Variants in BOD1L1 observed in about 807,000 individuals in gnomAD.
The protein encoded by BOD1L1 is biorientation of chromosomes in cell division protein 1-like 1.
Under a neutral mutation model 240.7 loss-of-function variants are expected in BOD1L1, and 86 were observed. The ratio of observed to expected loss-of-function variants is 0.36; its 90% confidence interval spans 0.30 to 0.43. The LOEUF is 0.43. Ranked by LOEUF, BOD1L1 falls within the 20% of genes least tolerant of loss-of-function variation. The pLI is 1.00. For missense variants in BOD1L1, 3,554 were observed against 3,643.5 expected, an observed-to-expected ratio of 0.98 and a Z score of 0.63; for synonymous variants, 1,268 against 1,272.3, an observed-to-expected ratio of 1.00 and a Z score of 0.07.
chr4:13,585,871 C>T lies in BOD1L1; in HGVS notation c.8433+525G>A, dbSNP rs559931684. Among the ~76,000 whole-genome samples the T allele has an allele frequency of 1.6e-4, 25 of 152,272 alleles. 1 individual carries two copies. In the East Asian group the frequency reaches 1.9e-3, roughly 12 times the overall value. On this transcript the variant is annotated intron_variant, in intron 17 of 25. Transcript: ENST00000040738. ...GTTGTCATGTTAAGACGTGACTTTG[C>T]TCCTCCTTTGCCTTCTACCATGATT... is the stretch of plus-strand genomic sequence containing the variant.
chr4:13,607,245 A>C, intron 8 of BOD1L1, 56 bp from the exon 9 acceptor site: 1 of 1,029,036 alleles, frequency 9.7e-7, no homozygotes, highest in Non-Finnish European at 1.3e-6. Context: ...ATTTTTCAGG[A>C]AGGTTGAAAA....
At position 13,601,044 on chromosome 4, in the gene BOD1L1, C is replaced by T; in HGVS notation, c.5856G>A (p.Gly1952=). The T allele has an allele frequency of 6.2e-7, 1 of 1,613,970 alleles. No individual in the cohort carries two copies. The highest frequency in any genetic ancestry group is 8.5e-7 in the Non-Finnish European group (1 of 1,179,896). Residue 1952 remains glycine (G), a synonymous_variant, in exon 10 of 26, where the codon GGG becomes GGA. Transcript: ENST00000040738. The part of the protein sequence containing the change: ...KDTDICSSAK[G]IVESSVTSAV... ...CACTGGTCACACTGCTTTCTACAAT[C>T]CCTTTTGCACTGGAGCAGATATCTG...
chr4:13,572,824 T>C (rs757166767), intron 25 of BOD1L1: 28 of 1,289,660 alleles, frequency 2.2e-5, no homozygotes, highest in Non-Finnish European at 1.2e-5. Flanking sequence ...CACGTGCAGA[T>C]GGCTTGCTAT....
intron 12 of BOD1L1, chr4:13,592,623 C>A (rs1714303677): frequency 6.6e-6 from 1 of 152,186 alleles, no homozygotes; most frequent in Admixed American, 6.5e-5. Context: ...AACACCCATG[C>A]ACATTTTAAT....
chr4:13,596,063 C>CTTTTTTTTTTTTTTTTTTG (rs1714600605), intron 11 of BOD1L1, 119 bp from the exon 12 acceptor site: 1 of 764,726 alleles, frequency 1.3e-6, no homozygotes, highest in African/African-American at 1.8e-5. Flanking sequence ...AGCCTATTTT[C>CTTTTTTTTTTTTTTTTTTG]AAGAGTACAC....
At chr4:13,570,150 C>A in intron 25 of BOD1L1, 22 bp from the exon 26 acceptor site, 1 of 1,500,506 alleles carries the variant, frequency 6.7e-7, no homozygotes, top group South Asian at 1.3e-5. Context: ...AAAGTCAAGG[C>A]AATGGTGAGG....
At chr4:13,596,874 A>G (rs1037787201) in intron 11 of BOD1L1, among the ~76,000 whole-genome samples, 1 of 152,208 alleles carries the variant, frequency 6.6e-6, no homozygotes, top group African/African-American at 2.4e-5. Context: ...GGAGAAACTG[A>G]GGGTGACTCT....
At chr4:13,597,377 G>A (rs1020476565) in intron 10 of BOD1L1, among the ~76,000 whole-genome samples, 2 of 152,180 alleles carry the variant, frequency 1.3e-5, no homozygotes, top group African/African-American at 4.8e-5. Context: ...TTTTGGGTGA[G>A]TGAAATTCTT....
At position 13,600,593 on chromosome 4, in the gene BOD1L1, C is replaced by T. The variant is rs775633082; in HGVS notation, c.6307G>A (p.Glu2103Lys). ...GGLSDALRTEENMEGTRVTTE... is the reference protein window; with the variant it reads ...GGLSDALRTEKNMEGTRVTTE... The stretch of plus-strand genomic sequence containing the variant: ...GTTACTCTGGTACCTTCCATATTTT[C>T]TTCAGTTCTCAGAGCATCTGAGAGA... Residue 2103 changes from glutamate (E) to lysine (K), a missense_variant, in exon 10 of 26, where the codon GAA becomes AAA. This residue lies in a region of BOD1L1 where 3,393 missense variants were observed against 3,427.1 expected (regional missense o/e 0.99). Coordinates refer to ENST00000040738, the MANE Select transcript of BOD1L1 (RefSeq NM_148894.3). 6.2e-7 allele frequency: 1 copy of T among 1,613,760 alleles called. No homozygotes were observed. Among genetic ancestry groups the T allele is most frequent in the Admixed American group, 1.7e-5 (1 of 60,014 alleles).
At chr4:13,579,050 T>C (rs1331757669) in intron 22 of BOD1L1, among the ~76,000 whole-genome samples, 1 of 152,194 alleles carries the variant, frequency 6.6e-6, no homozygotes, top group Non-Finnish European at 1.5e-5. Flanking sequence ...AACTCAAAGG[T>C]ACTTCTTTTT....
At chr4:13,598,663 A>AT (rs1327348779) in intron 10 of BOD1L1, among the ~76,000 whole-genome samples, 2 of 152,182 alleles carry the variant, frequency 1.3e-5, no homozygotes, top group African/African-American at 4.8e-5. Flanking sequence ...AGTCATGTAA[A>AT]TAACATGTGG....
chr4:13,601,025 T>C lies in BOD1L1; in HGVS notation c.5875A>G (p.Thr1959Ala). ...SAKGIVESSV[T>A]SAVSGKDEVT... Reference sequence around the variant, plus strand: ...TCATCCTTTCCTGAGACTGCACTGGTCACACTGCTTTCTACAATCCCTTTT... The same window carrying C: ...TCATCCTTTCCTGAGACTGCACTGGCCACACTGCTTTCTACAATCCCTTTT... The change falls in exon 10 of 26, where the codon ACC becomes GCC. Residue 1959 changes from threonine (T) to alanine (A), a missense_variant. Thr to Ala is a moderately conservative substitution (Grantham distance 58). Around this residue, in one of 2 missense-constraint regions of BOD1L1, gnomAD observed 3,393 missense variants for 3,427.1 expected, o/e 0.99. Coordinates refer to ENST00000040738, the MANE Select transcript of BOD1L1 (RefSeq NM_148894.3). 1 of 1,614,034 alleles carries C rather than the reference T, an allele frequency of 6.2e-7. No individual in the cohort carries two copies. Among genetic ancestry groups the C allele is most frequent in the Non-Finnish European group, 8.5e-7 (1 of 1,179,906 alleles).
At chr4:13,575,421 C>T (rs914640407) in intron 25 of BOD1L1, among the ~76,000 whole-genome samples, 4 of 152,262 alleles carry the variant, frequency 2.6e-5, no homozygotes. Context: ...CTCACTGTCA[C>T]CCAGGCTAGA....
Position 13,602,126 on chromosome 4 carries a change from C to A in BOD1L1, c.4774G>T (p.Gly1592Cys), listed in dbSNP as rs1715241257. ...ECTVFAAAEE[G>C]GAVVTEGFAE... ...AATCCCTCTGTGACAACAGCCCCACCTTCTTCAGCTGCAGCAAAAACAGTG... is the reference window on the plus strand; with the variant it reads ...AATCCCTCTGTGACAACAGCCCCACATTCTTCAGCTGCAGCAAAAACAGTG... The change falls in exon 10 of 26, where the codon GGT becomes TGT. Residue 1592 changes from glycine to cysteine, a missense_variant. Physicochemically the swap from Gly to Cys is radical, Grantham distance 159 (BLOSUM62 -3). Transcript: ENST00000040738. 1 of 1,614,016 alleles carries A rather than the reference C, an allele frequency of 6.2e-7. No homozygotes were observed. Among genetic ancestry groups the A allele is most frequent in the Non-Finnish European group, 8.5e-7 (1 of 1,179,894 alleles).
intron 15 of BOD1L1, among the ~76,000 whole-genome samples, 166 bp from the exon 16 acceptor site, chr4:13,587,937 G>A (rs1713840756): frequency 6.6e-6 from 1 of 152,114 alleles, no homozygotes. Flanking sequence ...TGTAATCCCA[G>A]CACTTTGGGA....
chr4:13,607,267 T>A, intron 8 of BOD1L1, 78 bp from the exon 9 acceptor site: 1 of 655,382 alleles, frequency 1.5e-6, no homozygotes, highest in Non-Finnish European at 2.3e-6. Flanking sequence ...AATAAAAATC[T>A]TTCCTTTACT....
chr4:13,604,060 GT>G lies in BOD1L1; in HGVS notation c.2839del (p.Thr947GlnfsTer28), dbSNP rs1248717235. ...CTGTTTTTCTGAGTCATTTTCTTCT[GT>G]GTTCTTCTCCTTGTCTGGTTTTGGA... ...TTPKPDKEKN[T>X]EENDSEKQRK... On this transcript the variant is annotated frameshift_variant, in exon 10 of 26. Coordinates refer to ENST00000040738, the MANE Select transcript of BOD1L1 (RefSeq NM_148894.3). LOFTEE classifies it high-confidence loss of function. 6.2e-7 allele frequency: 1 copy of G among 1,613,666 alleles called. No individual in the cohort carries two copies. The highest frequency in any genetic ancestry group is 8.5e-7 in the Non-Finnish European group (1 of 1,179,876).
Position 13,600,299 on chromosome 4 carries a change from C to T in BOD1L1, c.6601G>A (p.Ala2201Thr), listed in dbSNP as rs901364386. 20 of 1,613,940 alleles carry T rather than the reference C, an allele frequency of 1.2e-5. No homozygotes were observed. Among genetic ancestry groups the T allele is most frequent in the Admixed American group, 1.7e-5 (1 of 60,016 alleles). The change falls in exon 10 of 26, where the codon GCT becomes ACT. Residue 2201 changes from alanine (A) to threonine (T), a missense_variant. Around this residue, in one of 2 missense-constraint regions of BOD1L1, gnomAD observed 3,393 missense variants for 3,427.1 expected, o/e 0.99. Transcript: ENST00000040738. ...EGPMPSAPPE[A>T]ESPLASTSKE... ...CTGGTTGAGGCAAGAGGACTTTCAG[C>T]TTCTGGGGGCGCACTGGGCATAGGC...
chr4:13,569,982 C>G lies in BOD1L1; in HGVS notation c.*29G>C. The G allele has an allele frequency of 6.7e-7, 1 of 1,493,432 alleles. No individual in the cohort carries two copies. Among genetic ancestry groups the G allele is most frequent in the Non-Finnish European group, 9.0e-7 (1 of 1,114,778 alleles). The allele number at this position is 1,493,432 out of a possible 1,614,324, so 92.5% of individuals were successfully genotyped here. On this transcript the variant is annotated 3_prime_UTR_variant, in exon 26 of 26. Transcript: ENST00000040738. ...TCTCTTTCCTCTCCACCGTGTTCCTCCATAAGCCTAGGGCAGCAGTGGTCA... is the reference window on the plus strand; with the variant it reads ...TCTCTTTCCTCTCCACCGTGTTCCTGCATAAGCCTAGGGCAGCAGTGGTCA...
Sources: allele counts gnomAD v4.1 joint callset (sites outside exome capture counted in the v4.1 genomes callset), GRCh38; gene constraint gnomAD v4.1.1; regional missense constraint gnomAD v4.1.1; transcripts MANE v1.5; gene names NCBI Gene and HGNC (gene_info 2026-07-23, HGNC 2026-07-21).